The following FANCI variants were observed in gnomAD, a reference collection of about 807,000 sequenced individuals.
FANCI encodes the protein FA complementation group I.
Under a neutral mutation model 176.1 loss-of-function variants are expected in FANCI, and 156 were observed. That is an observed-to-expected ratio of 0.89 (90% CI 0.78 to 1.01). The LOEUF (loss-of-function observed/expected upper bound fraction) is 1.01, where lower values mean the gene tolerates loss of function less well. FANCI is among the 50% of genes least tolerant of loss of function. The pLI is 0.00. For synonymous variants in FANCI, 613 were observed against 541.7 expected (o/e 1.13, Z -1.83); for missense variants, 1,678 against 1,534.1 (o/e 1.09, Z -1.57).
chr15:89,285,610 G>T (rs1164432969), intron 18 of FANCI, among the ~76,000 whole-genome samples: 1 of 152,114 alleles, frequency 6.6e-6, no homozygotes, highest in Non-Finnish European at 1.5e-5. Context: ...GTGAGACCTT[G>T]TCTCTCAAAA....
Position 89,281,747 on chromosome 15 carries a change from C to G in FANCI, c.1513-18C>G, listed in dbSNP as rs779888046. ...ATAAGCAAACTTGTTCTGTTTTTACCCACTGATTCTTTTTCAGCCCCTTCT... is the reference window on the plus strand; with the variant it reads ...ATAAGCAAACTTGTTCTGTTTTTACGCACTGATTCTTTTTCAGCCCCTTCT... On this transcript the variant is annotated intron_variant, in intron 15 of 37. Transcript: ENST00000310775. The G allele has an allele frequency of 6.2e-7, 1 of 1,612,458 alleles. No homozygotes were observed. The highest frequency in any genetic ancestry group is 1.1e-5 in the South Asian group (1 of 91,052).
chr15:89,250,060 A>G (rs1191124084), intron 2 of FANCI, among the ~76,000 whole-genome samples: 2 of 152,230 alleles, frequency 1.3e-5, no homozygotes, highest in Non-Finnish European at 1.5e-5. Flanking sequence ...AACCGAAACT[A>G]AAAGTCAAAA....
Position 89,268,610 on chromosome 15 carries a change from G to A in FANCI, c.882+85G>A, listed in dbSNP as rs1378455644. The A allele has an allele frequency of 3.9e-6, 6 of 1,532,700 alleles. No individual in the cohort carries two copies. The Admixed American group carries it at 6.7e-5, about 17-fold the overall frequency. 94.9% of individuals were successfully genotyped at this position (1,532,700 alleles called of 1,614,324 possible). A position where few individuals can be genotyped will look rare whatever the true frequency, so the allele number is the denominator to read the frequency against. The stretch of plus-strand genomic sequence containing the variant: ...GCCACTGTTATGCCAGTTAATGACA[G>A]GAAATAAATACTGTAAAATGACCCT... On this transcript the variant is annotated intron_variant, in intron 10 of 37. Coordinates refer to ENST00000310775, the MANE Select transcript of FANCI (RefSeq NM_001113378.2).
intron 18 of FANCI, among the ~76,000 whole-genome samples, chr15:89,285,454 C>G (rs1165845641): frequency 2.0e-5 from 3 of 151,984 alleles, no homozygotes; most frequent in African/African-American, 7.3e-5. Context: ...TCTGTCTTTA[C>G]AAAAAATAAG....
At position 89,273,399 on chromosome 15, in the gene FANCI, A is replaced by C; in HGVS notation, c.905A>C (p.Asn302Thr). The stretch of plus-strand genomic sequence containing the variant: ...TAGGTAGGACAGCAAGGAGATTCCA[A>C]TAATAACTTAAGTCCCTTCAGCATT... ...HLKVGQQGDSNNNLSPFSIAL... is the reference protein window; with the variant it reads ...HLKVGQQGDSTNNLSPFSIAL... Residue 302 changes from asparagine to threonine, a missense_variant, in exon 11 of 38, where the codon AAT becomes ACT. Physicochemically the swap from Asn to Thr is moderately conservative, Grantham distance 65. Transcript: ENST00000310775. 6.2e-7 allele frequency: 1 copy of C among 1,605,334 alleles called. No homozygotes were observed. The highest frequency in any genetic ancestry group is 8.5e-7 in the Non-Finnish European group (1 of 1,173,118).
intron 24 of FANCI, 107 bp from the exon 25 acceptor site, chr15:89,299,690 GTTT>G: frequency 8.9e-7 from 1 of 1,123,982 alleles, no homozygotes; most frequent in Non-Finnish European, 1.3e-6. Flanking sequence ...AACCATGTAA[GTTT>G]TTTTAAACTT....
chr15:89,255,597 C>G (rs1278422782), intron 2 of FANCI, among the ~76,000 whole-genome samples: 1 of 151,910 alleles, frequency 6.6e-6, no homozygotes. Context: ...CTTGTGAGAC[C>G]GCATAAACTC....
intron 7 of FANCI, 76 bp downstream of exon 7, chr15:89,263,536 A>C (rs2052806946): frequency 5.0e-6 from 6 of 1,191,024 alleles, no homozygotes; most frequent in Non-Finnish European, 7.5e-6. Context: ...ACTATAGCAA[A>C]CGTAAACATC....
rs750857328 is a variant in FANCI at position 89,261,671 on chromosome 15, A to G, written c.375A>G (p.Lys125=). 6.2e-7 allele frequency: 1 copy of G among 1,614,130 alleles called. No individual in the cohort carries two copies. Among genetic ancestry groups the G allele is most frequent in the Non-Finnish European group, 8.5e-7 (1 of 1,180,018 alleles). ...AVREGSLVNG[K]SLELLPIILT... ...GAGAAGGCAGCCTAGTGAATGGAAA[A>G]TCTTTGGAGTTACTACCTATCATTC... is the stretch of plus-strand genomic sequence containing the variant. The change falls in exon 5 of 38, where the codon AAA becomes AAG. Residue 125 remains lysine (K), a synonymous_variant. Coordinates refer to ENST00000310775, the MANE Select transcript of FANCI (RefSeq NM_001113378.2).
chr15:89,253,104 C>T (rs11857483), intron 2 of FANCI, among the ~76,000 whole-genome samples: 4,237 of 151,836 alleles, frequency 0.028, 162 homozygotes, highest in African/African-American at 0.09. Context: ...TAAACAGAAA[C>T]GGAATAGGAT....
In FANCI at chr15:89,316,474, TTAA is replaced by T. The variant is rs760359685; in HGVS notation, c.*17_*19del. The T allele has an allele frequency of 1.2e-6, 2 of 1,603,692 alleles. No individual in the cohort carries two copies. The highest frequency in any genetic ancestry group is 2.2e-5 in the South Asian group (2 of 89,520). On this transcript the variant is annotated 3_prime_UTR_variant, in exon 38 of 38. Coordinates refer to ENST00000310775, the MANE Select transcript of FANCI (RefSeq NM_001113378.2). ...GGAAAAAATAAATGAAATGCCTGAG[TTAA>T]TGTGAACTTTGGGGCTTCTGCTTCA...
intron 1 of FANCI, among the ~76,000 whole-genome samples, chr15:89,246,763 CTTTTTTTTTTTT>C (rs35104299): frequency 8.8e-6 from 1 of 113,940 alleles, no homozygotes; most frequent in African/African-American, 3.4e-5. Context: ...TTCTTCCTTT[CTTTTTTTTTTTT>C]TTTTTTTTGA....
chr15:89,310,320 G>A (rs2054904579), intron 34 of FANCI, among the ~76,000 whole-genome samples: 1 of 152,172 alleles, frequency 6.6e-6, no homozygotes, highest in African/African-American at 2.4e-5. Context: ...TATACTATGG[G>A]CTATAGTCAG....
chr15:89,313,790 T>A (rs2055061029), intron 35 of FANCI, among the ~76,000 whole-genome samples: 1 of 152,100 alleles, frequency 6.6e-6, no homozygotes, highest in Non-Finnish European at 1.5e-5. Context: ...TTATAATATA[T>A]TTATACTGGA....
chr15:89,311,765 C>T (rs1010192183), intron 34 of FANCI, among the ~76,000 whole-genome samples: 6 of 152,202 alleles, frequency 3.9e-5, no homozygotes, highest in African/African-American at 1.4e-4. Flanking sequence ...TGCAGAGCCT[C>T]TCTGTATTTT....
chr15:89,263,650 A>T (rs898720849), intron 7 of FANCI, among the ~76,000 whole-genome samples, 190 bp downstream of exon 7: 1 of 152,224 alleles, frequency 6.6e-6, no homozygotes, highest in African/African-American at 2.4e-5. Context: ...TACTTATTTA[A>T]AACATAACTT....
chr15:89,285,304 A>G, intron 18 of FANCI, 86 bp downstream of exon 18: 1 of 1,526,770 alleles, frequency 6.5e-7, no homozygotes, highest in East Asian at 2.4e-5. Flanking sequence ...ATAAAAGTAC[A>G]ATAGCTATGC....
chr15:89,294,702 A>T (rs550700209), intron 23 of FANCI, among the ~76,000 whole-genome samples: 2 of 152,318 alleles, frequency 1.3e-5, no homozygotes, highest in African/African-American at 4.8e-5. Flanking sequence ...GGGGAGGGAG[A>T]GAAAATGAGG....
Position 89,316,464 on chromosome 15 carries a change from A to T in FANCI, c.*5A>T, listed in dbSNP as rs767363025. 1 of 1,607,746 alleles carries T rather than the reference A, an allele frequency of 6.2e-7. No individual in the cohort carries two copies. The highest frequency in any genetic ancestry group is 8.5e-7 in the Non-Finnish European group (1 of 1,176,370). On this transcript the variant is annotated 3_prime_UTR_variant, in exon 38 of 38. Transcript: ENST00000310775. ...AAGAAGAAAAGGAAAAAATAAATGAAATGCCTGAGTTAATGTGAACTTTGG... is the reference window on the plus strand; with the variant it reads ...AAGAAGAAAAGGAAAAAATAAATGATATGCCTGAGTTAATGTGAACTTTGG...
Sources: allele counts gnomAD v4.1 joint callset (sites outside exome capture counted in the v4.1 genomes callset), GRCh38; gene constraint gnomAD v4.1.1; transcripts MANE v1.5; gene names NCBI Gene and HGNC (gene_info 2026-07-23, HGNC 2026-07-21).